SRPK2: variants seen among roughly 807,000 people sequenced by gnomAD.
The protein encoded by SRPK2 is SFRS protein kinase 2.
SRPK2 carries 21 observed loss-of-function variants against 90.8 expected under a neutral mutation model. That is an observed-to-expected ratio of 0.23 (90% CI 0.16 to 0.33). The LOEUF is 0.33. SRPK2 is among the 10% of genes least tolerant of loss of function. The pLI is 1.00. For synonymous variants in SRPK2, 288 were observed against 311.1 expected, an observed-to-expected ratio of 0.93 and a Z score of 0.78; for missense variants, 620 against 869.0, an observed-to-expected ratio of 0.71 and a Z score of 3.60.
intron 2 of SRPK2, among the ~76,000 whole-genome samples, chr7:105,340,311 C>G (rs1403507526): frequency 6.6e-6 from 1 of 151,002 alleles, no homozygotes; most frequent in Non-Finnish European, 1.5e-5. Context: ...CTAAAGCAGT[C>G]AATTTTTTCA....
At chr7:105,155,390 G>A (rs1430384899) in intron 7 of SRPK2, among the ~76,000 whole-genome samples, 1 of 152,230 alleles carries the variant, frequency 6.6e-6, no homozygotes, top group Non-Finnish European at 1.5e-5. Flanking sequence ...AGGAGTACAA[G>A]ATAGAAGTGC....
At chr7:105,380,145 T>C (rs1193262205) in intron 2 of SRPK2, among the ~76,000 whole-genome samples, 1 of 152,204 alleles carries the variant, frequency 6.6e-6, no homozygotes, top group Non-Finnish European at 1.5e-5. Flanking sequence ...TGATGTTTTA[T>C]CCTTAAGAGG....
intron 2 of SRPK2, among the ~76,000 whole-genome samples, chr7:105,333,775 T>C (rs945745787): frequency 2.0e-5 from 3 of 152,234 alleles, no homozygotes; most frequent in African/African-American, 7.2e-5. Context: ...ATGTACCATT[T>C]ACCAAACATT....
intron 6 of SRPK2, among the ~76,000 whole-genome samples, chr7:105,163,999 C>T (rs975417525): frequency 6.6e-6 from 1 of 152,162 alleles, no homozygotes; most frequent in East Asian, 1.9e-4. Context: ...GAGCTTTCAA[C>T]GGAAATTTTA....
At chr7:105,290,368 A>G (rs1011835889) in intron 2 of SRPK2, among the ~76,000 whole-genome samples, 3 of 152,042 alleles carry the variant, frequency 2.0e-5, no homozygotes, top group Non-Finnish European at 2.9e-5. Flanking sequence ...GGTGGCACAC[A>G]CCTGTGGTCC....
At chr7:105,396,052 A>C (rs1442592847) in intron 1 of SRPK2, among the ~76,000 whole-genome samples, 1 of 151,920 alleles carries the variant, frequency 6.6e-6, no homozygotes. Context: ...AGTAGCTGGG[A>C]TTACAGGCAT....
chr7:105,366,977 G>T (rs948466622), intron 2 of SRPK2, among the ~76,000 whole-genome samples: 1 of 152,040 alleles, frequency 6.6e-6, no homozygotes, highest in Non-Finnish European at 1.5e-5. Context: ...GTGTCACTCC[G>T]TGAGTCCCAT....
intron 7 of SRPK2, among the ~76,000 whole-genome samples, chr7:105,147,303 T>C (rs1215816715): frequency 2.0e-5 from 3 of 152,132 alleles, no homozygotes; most frequent in African/African-American, 7.2e-5. Context: ...TCATTACTAT[T>C]TATTTTTTAA....
downstream of SRPK2, among the ~76,000 whole-genome samples, chr7:105,116,159 T>C (rs1007294271): frequency 5.3e-5 from 8 of 152,202 alleles, no homozygotes; most frequent in African/African-American, 1.7e-4. Context: ...AAAGGGATCA[T>C]TGATATTCTA....
At position 105,160,559 on chromosome 7, in the gene SRPK2, T is replaced by G; in HGVS notation, c.569A>C (p.Lys190Thr). The change falls in exon 7 of 16, where the codon AAA becomes ACA. Residue 190 changes from lysine (K) to threonine (T), a missense_variant. This residue lies in a region of SRPK2 where 196 missense variants were observed against 339.2 expected (regional missense o/e 0.58). Transcript: ENST00000393651. ...TACTGGGAGGCCTTGATAGTTGGAT[T>G]TGATGATCCACTTGAGGAGATGGTG... ...LGHHLLKWII[K>T]SNYQGLPVRC... 6.2e-7 allele frequency: 1 copy of G among 1,613,914 alleles called. No individual in the cohort carries two copies. The highest frequency in any genetic ancestry group is 8.5e-7 in the Non-Finnish European group (1 of 1,179,814).
chr7:105,134,574 G>A (rs914738430), intron 11 of SRPK2, among the ~76,000 whole-genome samples: 5 of 152,188 alleles, frequency 3.3e-5, no homozygotes, highest in Admixed American at 6.5e-5. Context: ...CTTGAAGCTG[G>A]GCACTGCTGA....
intron 2 of SRPK2, among the ~76,000 whole-genome samples, chr7:105,358,195 G>T (rs965289389): frequency 5.6e-5 from 7 of 125,994 alleles, no homozygotes; most frequent in African/African-American, 2.1e-4. Context: ...CTGCACTCCA[G>T]CCTGGGCAAC....
intron 2 of SRPK2, among the ~76,000 whole-genome samples, chr7:105,310,600 G>A (rs1019224262): frequency 1.3e-5 from 2 of 151,966 alleles, no homozygotes; most frequent in South Asian, 2.1e-4. Flanking sequence ...CCGAGATCGC[G>A]CCACTGCACT....
rs555010747 is a variant in SRPK2, at chr7:105,259,645, G to T, written c.72-55860C>A. Among the ~76,000 whole-genome samples the T allele has an allele frequency of 3.2e-3, 484 of 152,252 alleles. 4 individuals carry two copies. The highest frequency in any genetic ancestry group is 2.4e-3 in the Non-Finnish European group (163 of 68,018). ...ACCTGACTTCAAACTATACTACAAGGCTACAGTAACCAAAACAGCATGGTA... is the reference window on the plus strand; with the variant it reads ...ACCTGACTTCAAACTATACTACAAGTCTACAGTAACCAAAACAGCATGGTA... On this transcript the variant is annotated intron_variant, in intron 2 of 15. Transcript: ENST00000393651.
chr7:105,230,701 A>T (rs1037981347), intron 2 of SRPK2, among the ~76,000 whole-genome samples: 1 of 152,234 alleles, frequency 6.6e-6, no homozygotes, highest in African/African-American at 2.4e-5. Context: ...ACAAACGTCA[A>T]CTGTTAAAAT....
At chr7:105,133,252 A>T in intron 11 of SRPK2, 148 bp from the exon 12 acceptor site, 2 of 757,774 alleles carry the variant, frequency 2.6e-6, no homozygotes. Context: ...ACTTGACAGA[A>T]CTAAAATTGC....
chr7:105,119,780 T>C (rs893385611), intron 15 of SRPK2, among the ~76,000 whole-genome samples: 2 of 152,218 alleles, frequency 1.3e-5, no homozygotes, highest in African/African-American at 4.8e-5. Context: ...AGATAAACCC[T>C]GGTTGCACCA....
chr7:105,298,664 A>T (rs969783522), intron 2 of SRPK2: 1 of 921,360 alleles, frequency 1.1e-6, no homozygotes. Flanking sequence ...CCCATAGGAT[A>T]GCATGGCTCA....
chr7:105,331,195 G>C (rs1331972494), intron 2 of SRPK2, among the ~76,000 whole-genome samples: 1 of 150,692 alleles, frequency 6.6e-6, no homozygotes, highest in Non-Finnish European at 1.5e-5. Flanking sequence ...TGTAATCCCA[G>C]CTACGTGGGA....
Sources: allele counts gnomAD v4.1 joint callset (sites outside exome capture counted in the v4.1 genomes callset), GRCh38; gene constraint gnomAD v4.1.1; regional missense constraint gnomAD v4.1.1; transcripts MANE v1.5; gene names NCBI Gene and HGNC (gene_info 2026-07-23, HGNC 2026-07-21).